The following DYNC2I2 variants were observed in gnomAD, a reference collection of about 807,000 sequenced individuals.
DYNC2I2 encodes cytoplasmic dynein 2 intermediate chain 2.
Under a neutral mutation model 52.0 loss-of-function variants are expected in DYNC2I2, and 39 were observed. That is an observed-to-expected ratio of 0.75 (90% CI 0.58 to 0.98). The LOEUF (loss-of-function observed/expected upper bound fraction) is 0.98, where lower values mean the gene tolerates loss of function less well. Among genes scored for constraint, DYNC2I2 ranks in the 50% least tolerant of loss-of-function variants. DYNC2I2 has a pLI of 0.00. For missense variants in DYNC2I2, 743 were observed against 728.4 expected, an observed-to-expected ratio of 1.02 and a Z score of -0.23; for synonymous variants, 359 against 321.1, an observed-to-expected ratio of 1.12 and a Z score of -1.26.
At chr9:128,672,742 T>C in the DYNC2I2 span, among the ~76,000 whole-genome samples, 5 of 152,102 alleles carry the variant, frequency 3.3e-5, no homozygotes, top group East Asian at 9.7e-4. Flanking sequence ...AAACCCTTTT[T>C]ATTGGCCGGG....
chr9:128,642,603 T>C (rs1227208515), intron 1 of DYNC2I2, among the ~76,000 whole-genome samples: 2 of 151,486 alleles, frequency 1.3e-5, no homozygotes, highest in Non-Finnish European at 2.9e-5. Flanking sequence ...ACCCCGTCTC[T>C]ACTAAAAATA....
At chr9:128,657,071 G>A (rs1050370627), upstream of DYNC2I2, among the ~76,000 whole-genome samples, 1 of 152,250 alleles carries the variant, frequency 6.6e-6, no homozygotes, top group Non-Finnish European at 1.5e-5. Flanking sequence ...GGCCGTGGCC[G>A]GCCCGCGAGG....
At chr9:128,639,951 C>CCACTGTG (rs1860480263) in intron 2 of DYNC2I2, among the ~76,000 whole-genome samples, 1 of 151,378 alleles carries the variant, frequency 6.6e-6, no homozygotes, top group African/African-American at 2.4e-5. Flanking sequence ...CAGGCGTGAG[C>CCACTGTG]CACTGTGCCC....
intron 1 of DYNC2I2, among the ~76,000 whole-genome samples, chr9:128,655,105 A>T (rs952520075): frequency 6.6e-6 from 1 of 151,932 alleles, no homozygotes; most frequent in Admixed American, 6.6e-5. Context: ...GGCCTTGAGC[A>T]CGCAGCATCT....
intron 2 of DYNC2I2, among the ~76,000 whole-genome samples, chr9:128,639,974 T>C (rs987620921): frequency 7.3e-5 from 10 of 137,816 alleles, no homozygotes; most frequent in Non-Finnish European, 1.6e-4. Context: ...CCTCATACAG[T>C]TGTTTTGAGG....
the DYNC2I2 span, among the ~76,000 whole-genome samples, chr9:128,665,794 C>G: frequency 6.5e-5 from 8 of 123,474 alleles, no homozygotes; most frequent in African/African-American, 2.1e-4. Flanking sequence ...AAAAAAAAGT[C>G]GGGCCCAGTG....
chr9:128,682,065 T>C, the DYNC2I2 span, among the ~76,000 whole-genome samples: 1 of 133,754 alleles, frequency 7.5e-6, no homozygotes, highest in African/African-American at 3.0e-5. Context: ...AGAGTGAGAC[T>C]TTTTTTTTTT....
intron 2 of DYNC2I2, among the ~76,000 whole-genome samples, chr9:128,637,381 C>G (rs776518049): frequency 6.6e-6 from 1 of 152,176 alleles, no homozygotes; most frequent in East Asian, 1.9e-4. Context: ...AGGGGTCAAG[C>G]GAACCACCCG....
chr9:128,667,864 C>G, the DYNC2I2 span, among the ~76,000 whole-genome samples: 1 of 142,722 alleles, frequency 7.0e-6, no homozygotes, highest in African/African-American at 2.7e-5. Context: ...TCCCGAGTAG[C>G]TGGGACTACA....
the DYNC2I2 span, among the ~76,000 whole-genome samples, chr9:128,676,356 A>G: frequency 6.6e-6 from 1 of 151,424 alleles, no homozygotes. Flanking sequence ...CGGGCATGAT[A>G]GTGGGTACCT....
rs777631941 is a variant in DYNC2I2 at position 128,635,688 on chromosome 9, C to T, written c.783G>A (p.Thr261=). The part of the protein sequence containing the change: ...EDPLLWRTGL[T]DDTHTDPVSQ... ...ACACAGGGTCTGTGTGGGTGTCATC[C>T]GTCAGGCCTGTGCGCCACAGCAGCG... Residue 261 remains threonine, a synonymous_variant, in exon 5 of 9, where the codon ACG becomes ACA. Transcript: ENST00000372715. The T allele has an allele frequency of 6.2e-6, 10 of 1,611,374 alleles. No individual in the cohort carries two copies. Among genetic ancestry groups the T allele is most frequent in the African/African-American group, 2.7e-5 (2 of 74,850 alleles).
At chr9:128,670,188 C>T in the DYNC2I2 span, among the ~76,000 whole-genome samples, 1 of 152,094 alleles carries the variant, frequency 6.6e-6, no homozygotes, top group Non-Finnish European at 1.5e-5. Flanking sequence ...CACCTGTAAC[C>T]CCAGCACTTT....
chr9:128,656,671 G>C lies in DYNC2I2; in HGVS notation c.56C>G (p.Ala19Gly). The C allele has an allele frequency of 6.6e-7, 1 of 1,509,482 alleles. No homozygotes were observed. The highest frequency in any genetic ancestry group is 1.4e-5 in the African/African-American group (1 of 69,446). 93.5% of individuals were successfully genotyped at this position (1,509,482 alleles called of 1,614,324 possible). The change falls in exon 1 of 9, where the codon GCG becomes GGG. Residue 19 changes from alanine (A) to glycine (G), a missense_variant. Ala to Gly is a moderately conservative substitution (Grantham distance 60). Coordinates refer to ENST00000372715, the MANE Select transcript of DYNC2I2 (RefSeq NM_052844.4). ...CGCAACCCCGACTGTCGCCAGCGCC[G>C]CAACACCAGCGCTTCCCGCCTGGCT... ...PLSQAGSAGV[A>G]ALATVGVASG...
At chr9:128,667,958 C>CTCT in the DYNC2I2 span, among the ~76,000 whole-genome samples, 1 of 52,878 alleles carries the variant, frequency 1.9e-5, no homozygotes, top group African/African-American at 6.3e-5. Flanking sequence ...GTCTCGATCT[C>CTCT]TTTTTTTTTT....
intron 1 of DYNC2I2, among the ~76,000 whole-genome samples, chr9:128,648,126 T>C (rs1330968099): frequency 6.6e-6 from 1 of 152,172 alleles, no homozygotes; most frequent in East Asian, 1.9e-4. Flanking sequence ...AACTGAACAC[T>C]GGCCGGGCAC....
At chr9:128,656,495 C>G in intron 1 of DYNC2I2, 46 bp downstream of exon 1, 1 of 1,233,680 alleles carries the variant, frequency 8.1e-7, no homozygotes, top group Non-Finnish European at 1.0e-6. Flanking sequence ...GCGCTGCGAC[C>G]CCGCCTTCCC....
chr9:128,652,001 T>C (rs1589436423), intron 1 of DYNC2I2: 1 of 152,882 alleles, frequency 6.5e-6, no homozygotes, highest in African/African-American at 2.5e-5. Context: ...CAAAGGGCAA[T>C]GCTTCTACAA....
upstream of DYNC2I2, among the ~76,000 whole-genome samples, chr9:128,657,114 G>T (rs1002320072): frequency 1.3e-5 from 2 of 152,224 alleles, no homozygotes; most frequent in Non-Finnish European, 2.9e-5. Flanking sequence ...TGGCTGAGCA[G>T]CTGATTCTTC....
the DYNC2I2 span, among the ~76,000 whole-genome samples, chr9:128,682,621 G>A: frequency 3.2e-4 from 49 of 151,846 alleles, no homozygotes; most frequent in African/African-American, 1.1e-3. Flanking sequence ...AGGCTGCCGT[G>A]AGCCATGATC....
Sources: gnomAD v4.1 joint callset for allele counts (sites outside exome capture counted in the v4.1 genomes callset) on GRCh38, gnomAD v4.1.1 for gene constraint, MANE v1.5 for transcripts, NCBI Gene and HGNC (gene_info 2026-07-23, HGNC 2026-07-21) for gene names.